Variants in PARD3B observed in about 807,000 individuals in gnomAD.
PARD3B encodes the protein partitioning defective 3 homolog B.
Under a neutral mutation model 130.2 loss-of-function variants are expected in PARD3B, and 103 were observed. The ratio of observed to expected loss-of-function variants is 0.79; its 90% CI spans 0.67 to 0.93. PARD3B has a LOEUF of 0.93. Ranked by LOEUF, PARD3B falls within the 40% of genes least tolerant of loss-of-function variation. PARD3B has a pLI of 0.00. For missense variants in PARD3B, 1,609 were observed against 1,499.2 expected (o/e 1.07, Z -1.21); for synonymous variants, 583 against 553.2 (o/e 1.05, Z -0.76).
rs1702093589 is a variant in PARD3B at position 205,091,350 on chromosome 2, A to G, written c.505-13076A>G. Reference sequence around the variant, plus strand: ...GCATCATTTACACTGGGAGGTTTGTATGTGGAGTGATGTATTTTCAAAGAG... The same window carrying G: ...GCATCATTTACACTGGGAGGTTTGTGTGTGGAGTGATGTATTTTCAAAGAG... On this transcript the variant is annotated intron_variant, in intron 4 of 22. Transcript: ENST00000406610. The surrounding 1 kb of genome is among the most constrained non-coding windows in gnomAD (Gnocchi z 4.2). Among the ~76,000 whole-genome samples the G allele has an allele frequency of 6.6e-6, 1 of 152,160 alleles. No individual in the cohort carries two copies.
At chr2:204,874,716 A>C (rs966655572) in intron 2 of PARD3B, among the ~76,000 whole-genome samples, 1 of 152,126 alleles carries the variant, frequency 6.6e-6, no homozygotes, top group Non-Finnish European at 1.5e-5. Context: ...TATTTCACTA[A>C]GTTGCCATGT....
intron 15 of PARD3B, among the ~76,000 whole-genome samples, chr2:205,222,200 A>G (rs1347684326): frequency 6.6e-6 from 1 of 151,904 alleles, no homozygotes; most frequent in East Asian, 1.9e-4. Context: ...AAAGAAACAC[A>G]TATGCTGTTT....
intron 3 of PARD3B, among the ~76,000 whole-genome samples, chr2:205,026,650 A>G (rs1181223580): frequency 6.6e-6 from 1 of 152,170 alleles, no homozygotes; most frequent in Non-Finnish European, 1.5e-5. Flanking sequence ...TTGTAACTGA[A>G]GGTTTATACC....
At position 204,631,545 on chromosome 2, in the gene PARD3B, C is replaced by T. The variant is rs187286892; in HGVS notation, c.121-54636C>T. On this transcript the variant is annotated intron_variant, in intron 1 of 22. Coordinates refer to ENST00000406610, the MANE Select transcript of PARD3B (RefSeq NM_001302769.2). ...TACAGGCATGAGCCACTGTGCCCAGCTGGGTCTTGGTTCTTAATCCAGCTT... is the reference window on the plus strand; with the variant it reads ...TACAGGCATGAGCCACTGTGCCCAGTTGGGTCTTGGTTCTTAATCCAGCTT... Among the ~76,000 whole-genome samples the T allele has an allele frequency of 4.1e-4, 63 of 152,334 alleles. 1 individual carries two copies. The East Asian group carries it at 0.012, about 29-fold the overall frequency.
intron 18 of PARD3B, among the ~76,000 whole-genome samples, chr2:205,393,104 A>G (rs2045913776): frequency 6.6e-6 from 1 of 152,220 alleles, no homozygotes; most frequent in Non-Finnish European, 1.5e-5. Flanking sequence ...GCTGCGGTTC[A>G]CAAAACCATA....
intron 2 of PARD3B, among the ~76,000 whole-genome samples, chr2:204,866,456 C>A (rs1420954449): frequency 6.6e-6 from 1 of 152,044 alleles, no homozygotes; most frequent in Non-Finnish European, 1.5e-5. Context: ...CATACACAAA[C>A]AAGTATATTT....
chr2:204,795,476 C>T (rs1246873194), intron 2 of PARD3B, among the ~76,000 whole-genome samples: 2 of 152,166 alleles, frequency 1.3e-5, no homozygotes, highest in Non-Finnish European at 2.9e-5. Flanking sequence ...CAGGAGTTGC[C>T]TTTATACTGA....
intron 2 of PARD3B, among the ~76,000 whole-genome samples, chr2:204,960,689 C>T (rs930044032): frequency 6.6e-6 from 1 of 152,086 alleles, no homozygotes; most frequent in Non-Finnish European, 1.5e-5. Flanking sequence ...CATTGAGCAC[C>T]TATGATGGCA....
chr2:205,283,723 T>A (rs2041278683), intron 16 of PARD3B, among the ~76,000 whole-genome samples: 1 of 152,174 alleles, frequency 6.6e-6, no homozygotes, highest in African/African-American at 2.4e-5. Context: ...TAGCAAAATA[T>A]ACAAAAACAA....
At chr2:204,824,105 C>T (rs968553892) in intron 2 of PARD3B, among the ~76,000 whole-genome samples, 6 of 152,126 alleles carry the variant, frequency 3.9e-5, no homozygotes, top group African/African-American at 1.4e-4. Context: ...AAGAACAGTG[C>T]AAGGTTTCAA....
Position 204,799,718 on chromosome 2 carries a change from T to C in PARD3B, c.222+113436T>C, listed in dbSNP as rs1033258735. Among the ~76,000 whole-genome samples the C allele has an allele frequency of 7.9e-5, 12 of 152,218 alleles. No individual in the cohort carries two copies. The highest frequency in any genetic ancestry group is 2.7e-4 in the African/African-American group (11 of 41,474). ...AAAGTGAGGGAAGAGAACAAGAGTC[T>C]CTGCCTGGTAATCCAGGGACTTCTC... On this transcript the variant is annotated intron_variant, in intron 2 of 22. Coordinates refer to ENST00000406610, the MANE Select transcript of PARD3B (RefSeq NM_001302769.2). This position sits in a 1 kb window ranked among gnomAD's most constrained non-coding sequence, Gnocchi z 4.1.
rs148680425 is a variant in PARD3B at position 204,858,708 on chromosome 2, G to A, written c.223-106444G>A. ...GAAATGGTTAACTATGTGAGATGATGGGTGTGTTAATTTGTTCTACAACAG... is the reference window on the plus strand; with the variant it reads ...GAAATGGTTAACTATGTGAGATGATAGGTGTGTTAATTTGTTCTACAACAG... On this transcript the variant is annotated intron_variant, in intron 2 of 22. Coordinates refer to ENST00000406610, the MANE Select transcript of PARD3B (RefSeq NM_001302769.2). Among the ~76,000 whole-genome samples the A allele has an allele frequency of 6.3e-3, 947 of 149,350 alleles. 8 individuals are homozygous for A. Among genetic ancestry groups the A allele is most frequent in the African/African-American group, 0.022 (889 of 41,010 alleles).
intron 2 of PARD3B, among the ~76,000 whole-genome samples, chr2:204,762,930 T>C (rs905347135): frequency 6.6e-6 from 1 of 152,090 alleles, no homozygotes; most frequent in Admixed American, 6.6e-5. Context: ...CCGGCTAATT[T>C]TGTATTTGTA....
Position 205,033,824 on chromosome 2 carries a change from A to G in PARD3B, c.395-13757A>G, listed in dbSNP as rs1575596682. On this transcript the variant is annotated intron_variant, in intron 3 of 22. Coordinates refer to ENST00000406610, the MANE Select transcript of PARD3B (RefSeq NM_001302769.2). The stretch of plus-strand genomic sequence containing the variant: ...ATAAATATCTAGGATCTAAGACTGT[A>G]AAGTATCACAAACTGAAAGATCAAC... 4.6e-5 allele frequency among the ~76,000 whole-genome samples: 7 copies of G among 152,296 alleles called. No homozygotes were observed. The South Asian group carries it at 1.4e-3, about 32-fold the overall frequency.
chr2:205,427,377 A>G (rs566870570), intron 19 of PARD3B, among the ~76,000 whole-genome samples: 13 of 152,368 alleles, frequency 8.5e-5, no homozygotes, highest in African/African-American at 3.1e-4. Flanking sequence ...TCGCAAATGC[A>G]TGACTCGTTA....
intron 2 of PARD3B, among the ~76,000 whole-genome samples, chr2:204,925,948 T>C (rs539427923): frequency 4.5e-4 from 68 of 152,236 alleles, no homozygotes; most frequent in Non-Finnish European, 6.6e-4. Context: ...CCTGCCTCCA[T>C]ATTCCCCTTG....
At chr2:205,358,572 A>G (rs2044278954) in intron 18 of PARD3B, among the ~76,000 whole-genome samples, 1 of 152,180 alleles carries the variant, frequency 6.6e-6, no homozygotes, top group Non-Finnish European at 1.5e-5. Flanking sequence ...CGTGTGAATC[A>G]TTCTTTTCCT....
intron 10 of PARD3B, among the ~76,000 whole-genome samples, chr2:205,135,827 C>T (rs1416009444): frequency 6.6e-6 from 1 of 152,072 alleles, no homozygotes; most frequent in East Asian, 1.9e-4. Flanking sequence ...CTTTAAGATA[C>T]TATAATTATT....
intron 2 of PARD3B, among the ~76,000 whole-genome samples, chr2:204,779,071 A>G (rs2041743142): frequency 6.6e-6 from 1 of 152,104 alleles, no homozygotes; most frequent in Non-Finnish European, 1.5e-5. Flanking sequence ...GACTTGCAAC[A>G]TCTGCACTTC....
Sources: allele counts gnomAD v4.1 joint callset (sites outside exome capture counted in the v4.1 genomes callset), GRCh38; gene constraint gnomAD v4.1.1; non-coding constraint Gnocchi (gnomAD v3.1); transcripts MANE v1.5; gene names NCBI Gene and HGNC (gene_info 2026-07-23, HGNC 2026-07-21).